The following TRPM7 variants were observed in gnomAD, a reference collection of about 807,000 sequenced individuals.
TRPM7 encodes the protein transient receptor potential cation channel subfamily M member 7.
A neutral mutation model predicts 229.7 loss-of-function variants in TRPM7; 134 were observed. That is an observed-to-expected ratio of 0.58 (90% CI 0.51 to 0.67). TRPM7 has a LOEUF of 0.67. TRPM7 is among the 30% of genes least tolerant of loss of function. TRPM7 has a pLI of 0.00. For synonymous variants in TRPM7, 699 were observed against 715.2 expected (o/e 0.98, Z 0.36); for missense variants, 1,901 against 2,210.0 (o/e 0.86, Z 2.80).
intron 13 of TRPM7, among the ~76,000 whole-genome samples, 154 bp from the exon 14 acceptor site, chr15:50,614,417 C>A (rs1219689386): frequency 2.0e-5 from 3 of 152,198 alleles, no homozygotes; most frequent in African/African-American, 7.2e-5. Flanking sequence ...GTAATCCCAA[C>A]ATTTTGGGAG....
chr15:50,624,137 G>A (rs1191632108), intron 12 of TRPM7, 29 bp downstream of exon 12: 1 of 1,580,342 alleles, frequency 6.3e-7, no homozygotes, highest in Non-Finnish European at 8.6e-7. Context: ...ATAAAATGTA[G>A]TCAATAAAGA....
At chr15:50,575,349 A>G (rs2054081352) in intron 33 of TRPM7, among the ~76,000 whole-genome samples, 1 of 152,120 alleles carries the variant, frequency 6.6e-6, no homozygotes, top group Non-Finnish European at 1.5e-5. Flanking sequence ...GCATTTTTGA[A>G]ATTCTGGCAT....
At chr15:50,643,614 C>T in intron 4 of TRPM7, 61 bp from the exon 5 acceptor site, 1 of 1,419,294 alleles carries the variant, frequency 7.0e-7, no homozygotes, top group Non-Finnish European at 9.7e-7. Context: ...CATAATGTGA[C>T]ATTATATGAC....
At chr15:50,650,593 G>T (rs1477496514) in intron 3 of TRPM7, among the ~76,000 whole-genome samples, 1 of 152,062 alleles carries the variant, frequency 6.6e-6, no homozygotes, top group Non-Finnish European at 1.5e-5. Flanking sequence ...TTCTCAGGAG[G>T]CTGAGGCAGG....
chr15:50,639,597 G>A (rs1197760514), intron 5 of TRPM7, 49 bp from the exon 6 acceptor site: 6 of 1,564,528 alleles, frequency 3.8e-6, no homozygotes, highest in South Asian at 1.1e-5. Flanking sequence ...TTTTCTTAAA[G>A]ACAGGGTCAC....
intron 1 of TRPM7, among the ~76,000 whole-genome samples, chr15:50,678,557 TATAC>T (rs2062157018): frequency 1.4e-5 from 2 of 148,096 alleles, no homozygotes; most frequent in Admixed American, 6.8e-5. Context: ...CACACACACA[TATAC>T]ATAATTTTAT....
intron 13 of TRPM7, among the ~76,000 whole-genome samples, chr15:50,618,691 G>C (rs1186505523): frequency 6.6e-6 from 1 of 152,132 alleles, no homozygotes; most frequent in Non-Finnish European, 1.5e-5. Context: ...ATGTAGCGGT[G>C]AAGACTAGGC....
At chr15:50,649,720 C>T (rs2061364430) in intron 3 of TRPM7, among the ~76,000 whole-genome samples, 2 of 152,034 alleles carry the variant, frequency 1.3e-5, no homozygotes, top group African/African-American at 4.8e-5. Flanking sequence ...GACTATAACA[C>T]CATAAGTAGG....
At chr15:50,653,951 T>G (rs182344652) in intron 3 of TRPM7, among the ~76,000 whole-genome samples, 27 of 152,138 alleles carry the variant, frequency 1.8e-4, no homozygotes, top group African/African-American at 6.0e-4. Flanking sequence ...GAACACTCAA[T>G]TGAGAACACA....
intron 1 of TRPM7, among the ~76,000 whole-genome samples, chr15:50,674,240 C>T (rs1481014104): frequency 2.0e-5 from 3 of 152,200 alleles, no homozygotes; most frequent in South Asian, 2.1e-4. Flanking sequence ...CCATCTGCCT[C>T]GGCCTCCCAA....
chr15:50,639,618 G>C (rs368233964), intron 5 of TRPM7, 70 bp from the exon 6 acceptor site: 35 of 1,431,636 alleles, frequency 2.4e-5, no homozygotes, highest in South Asian at 3.9e-5. Context: ...CCAGGAAAGA[G>C]AGCAGTGGCG....
In TRPM7 at chr15:50,599,196, C is replaced by T; in HGVS notation, c.3089G>A (p.Trp1030Ter). Reference sequence around the variant, plus strand: ...AAAAACTATATCTTTAGCAAGAGTCCAAGATGGTGCTTCATGAGGATAAAG... The same window carrying T: ...AAAAACTATATCTTTAGCAAGAGTCTAAGATGGTGCTTCATGAGGATAAAG... ...AILYPHEAPSWTLAKDIVFHP... is the reference protein window; with the variant it reads ...AILYPHEAPS Residue 1030 changes from tryptophan to a stop codon, truncating the protein, a stop_gained, in exon 22 of 39, where the codon TGG becomes TAG. Coordinates refer to ENST00000646667, the MANE Select transcript of TRPM7 (RefSeq NM_017672.6). LOFTEE classifies it high-confidence loss of function. 6.2e-7 allele frequency: 1 copy of T among 1,613,276 alleles called. No homozygotes were observed. The highest frequency in any genetic ancestry group is 8.5e-7 in the Non-Finnish European group (1 of 1,179,548).
rs1249214036 is a variant in TRPM7 at position 50,558,099 on chromosome 15, G to T, written c.*3579C>A. ...ATAATCTTAAAAAAATACTTATTGG[G>T]GATAAGAAATGTGGTTTACAAGTAA... On this transcript the variant is annotated 3_prime_UTR_variant, in exon 39 of 39. Transcript: ENST00000646667. The T allele has an allele frequency of 6.6e-6, 1 of 152,128 alleles. No homozygotes were observed. The highest frequency in any genetic ancestry group is 1.5e-5 in the Non-Finnish European group (1 of 68,024). The allele number at this position is 152,128 out of a possible 1,614,324, so 9.4% of individuals were successfully genotyped here.
At chr15:50,628,349 G>A in intron 10 of TRPM7, 100 bp from the exon 11 acceptor site, 1 of 773,962 alleles carries the variant, frequency 1.3e-6, no homozygotes, top group Non-Finnish European at 2.1e-6. Flanking sequence ...TTGGTCTGTT[G>A]CTCAGGCTAA....
chr15:50,610,767 A>C (rs1439676634), intron 17 of TRPM7, among the ~76,000 whole-genome samples: 1 of 152,156 alleles, frequency 6.6e-6, no homozygotes, highest in Non-Finnish European at 1.5e-5. Flanking sequence ...TGAATTTCAG[A>C]ATTTGGGAAT....
chr15:50,677,516 G>A (rs956214231), intron 1 of TRPM7, among the ~76,000 whole-genome samples: 2 of 151,846 alleles, frequency 1.3e-5, no homozygotes, highest in African/African-American at 4.8e-5. Context: ...CAAGGCAGGC[G>A]GATCGCAAGG....
Position 50,611,027 on chromosome 15 carries a change from T to C in TRPM7, c.2280+66A>G, listed in dbSNP as rs1383716544. 1.2e-5 allele frequency: 15 copies of C among 1,301,718 alleles called. No individual in the cohort carries two copies. In the East Asian group the frequency reaches 3.3e-4, roughly 28 times the overall value. The allele number at this position is 1,301,718 out of a possible 1,614,324, so 80.6% of individuals were successfully genotyped here. A position where few individuals can be genotyped will look rare whatever the true frequency, so the allele number is the denominator to read the frequency against. ...ACATCAAGGCATTTTACTACACATT[T>C]AGACTAATTCTTCTGTTCTTTTTAT... On this transcript the variant is annotated intron_variant, in intron 17 of 38. Coordinates refer to ENST00000646667, the MANE Select transcript of TRPM7 (RefSeq NM_017672.6).
At chr15:50,641,104 A>T (rs79724438) in intron 5 of TRPM7, among the ~76,000 whole-genome samples, 2,853 of 152,250 alleles carry the variant, frequency 0.019, 53 homozygotes, top group Non-Finnish European at 0.023. Flanking sequence ...AGGTCTTTCA[A>T]CTGCTGCCTT....
rs200950613 is a variant in TRPM7, at chr15:50,596,214, A to G, written c.3290+41T>C. The G allele has an allele frequency of 1.5e-3, 1,997 of 1,339,160 alleles. 5 individuals carry two copies. Among genetic ancestry groups the G allele is most frequent in the Non-Finnish European group, 1.8e-3 (1,797 of 1,005,526 alleles). The allele number at this position is 1,339,160 out of a possible 1,614,324, so 83.0% of individuals were successfully genotyped here. A position where few individuals can be genotyped will look rare whatever the true frequency, so the allele number is the denominator to read the frequency against. On this transcript the variant is annotated intron_variant, in intron 23 of 38. Transcript: ENST00000646667. Reference sequence around the variant, plus strand: ...TCCTTCAAAATATGTAGAATTGCATATTAAATCATCTTATAACAAACAATT... The same window carrying G: ...TCCTTCAAAATATGTAGAATTGCATGTTAAATCATCTTATAACAAACAATT...
Sources: gnomAD v4.1 joint callset for allele counts (sites outside exome capture counted in the v4.1 genomes callset) on GRCh38, gnomAD v4.1.1 for gene constraint, MANE v1.5 for transcripts, NCBI Gene and HGNC (gene_info 2026-07-23, HGNC 2026-07-21) for gene names.